Variants in MINDY4 observed in about 807,000 individuals in gnomAD.
MINDY4 encodes the protein MINDY lysine 48 deubiquitinase 4, also known as probable ubiquitin carboxyl-terminal hydrolase MINDY-4.
Under a neutral mutation model 87.0 loss-of-function variants are expected in MINDY4, and 68 were observed. That is an observed-to-expected ratio of 0.78 (90% CI 0.64 to 0.96). The LOEUF is 0.96. Ranked by LOEUF, MINDY4 falls within the 40% of genes least tolerant of loss-of-function variation. The probability of loss-of-function intolerance (pLI) is 0.00; values close to 1 mark genes in which losing one functional copy is unlikely to be tolerated. For missense variants in MINDY4, 919 were observed against 928.2 expected, an observed-to-expected ratio of 0.99 and a Z score of 0.13; for synonymous variants, 379 against 363.2, an observed-to-expected ratio of 1.04 and a Z score of -0.50.
chr7:30,816,418 T>C (rs1273406718), intron 5 of MINDY4, among the ~76,000 whole-genome samples: 1 of 152,132 alleles, frequency 6.6e-6, no homozygotes, highest in Non-Finnish European at 1.5e-5. Context: ...TCTGCATACT[T>C]CTTGTGAAGG....
intron 13 of MINDY4, among the ~76,000 whole-genome samples, chr7:30,861,579 T>A (rs947929253): frequency 6.6e-6 from 1 of 152,242 alleles, no homozygotes; most frequent in African/African-American, 2.4e-5. Context: ...TTGGTTGGTT[T>A]TAGGCCTGAC....
intron 1 of MINDY4, among the ~76,000 whole-genome samples, chr7:30,775,355 TTACA>T (rs1310995655): frequency 1.1e-4 from 17 of 152,276 alleles, no homozygotes; most frequent in African/African-American, 4.1e-4. Context: ...AACACTTTAC[TTACA>T]TTTACCAGTT....
chr7:30,791,074 C>T (rs769031884), intron 4 of MINDY4, 91 bp from the exon 5 acceptor site: 8 of 1,212,818 alleles, frequency 6.6e-6, no homozygotes, highest in African/African-American at 1.5e-5. Context: ...CTGGGAGAGA[C>T]ATCACATCAT....
rs376096463 is a variant in MINDY4 at position 30,836,974 on chromosome 7, A to G, written c.1239+210A>G. Among the ~76,000 whole-genome samples, 74 of 152,260 alleles carry G rather than the reference A, an allele frequency of 4.9e-4. No individual in the cohort carries two copies. In the South Asian group the frequency reaches 0.015, roughly 31 times the overall value. On this transcript the variant is annotated intron_variant, in intron 7 of 17. Transcript: ENST00000265299. ...GCAGCTCTCGTTCCCTCTCCAAGAC[A>G]AAAGGTGAGGGAGGAGGTTATGTCC...
intron 13 of MINDY4, among the ~76,000 whole-genome samples, chr7:30,869,035 A>T (rs1790024301): frequency 6.6e-6 from 1 of 152,128 alleles, no homozygotes; most frequent in Non-Finnish European, 1.5e-5. Flanking sequence ...TGCTCCCTGG[A>T]GGGGCCCCCA....
chr7:30,815,457 C>T (rs1044335638), intron 5 of MINDY4, among the ~76,000 whole-genome samples: 2 of 152,194 alleles, frequency 1.3e-5, no homozygotes, highest in South Asian at 4.1e-4. Flanking sequence ...CTAGCACTGG[C>T]CCTGGTCACT....
intron 1 of MINDY4, among the ~76,000 whole-genome samples, chr7:30,775,778 A>G (rs1014370685): frequency 5.9e-5 from 9 of 152,196 alleles, no homozygotes; most frequent in African/African-American, 2.2e-4. Flanking sequence ...TTTAGAATCT[A>G]TGTGCCAGGA....
intron 6 of MINDY4, among the ~76,000 whole-genome samples, chr7:30,834,634 G>C (rs915786383): frequency 1.3e-5 from 2 of 152,114 alleles, no homozygotes; most frequent in Non-Finnish European, 2.9e-5. Context: ...CAGAAAATGG[G>C]GTTTTCTTTT....
chr7:30,882,598 C>T (rs1790502449), intron 16 of MINDY4, among the ~76,000 whole-genome samples: 1 of 152,218 alleles, frequency 6.6e-6, no homozygotes, highest in South Asian at 2.1e-4. Context: ...GCCTACACCA[C>T]ATGGTAAAGA....
intron 6 of MINDY4, among the ~76,000 whole-genome samples, chr7:30,835,061 C>A (rs1788816869): frequency 6.6e-6 from 1 of 152,244 alleles, no homozygotes; most frequent in African/African-American, 2.4e-5. Flanking sequence ...AAAGTCACTT[C>A]CACATTTTCG....
In MINDY4 at chr7:30,781,998, A is replaced by T; in HGVS notation, c.205A>T (p.Thr69Ser). The change falls in exon 3 of 18, where the codon ACA becomes TCA. Residue 69 changes from threonine (T) to serine (S), a missense_variant. Thr to Ser is a moderately conservative substitution (Grantham distance 58, BLOSUM62 1). Transcript: ENST00000265299. ...ENKAKENPLK[T>S]SLELITRYFL... ...ATAGGCAAAGGAAAATCCTCTAAAA[A>T]CAAGCCTTGAACTCATCACCAGATA... The T allele has an allele frequency of 6.2e-7, 1 of 1,613,444 alleles. No homozygotes were observed. Among genetic ancestry groups the T allele is most frequent in the Admixed American group, 1.7e-5 (1 of 59,924 alleles).
At chr7:30,874,367 G>A (rs1238774159) in intron 14 of MINDY4, among the ~76,000 whole-genome samples, 1 of 152,224 alleles carries the variant, frequency 6.6e-6, no homozygotes, top group Non-Finnish European at 1.5e-5. Flanking sequence ...ACCAGATGTG[G>A]GTGGAAGCTC....
At chr7:30,822,715 G>A (rs551063257) in intron 5 of MINDY4, among the ~76,000 whole-genome samples, 1 of 151,838 alleles carries the variant, frequency 6.6e-6, no homozygotes, top group South Asian at 2.1e-4. Context: ...GCTCACTGCA[G>A]TCTTGACTTC....
At chr7:30,817,216 C>T (rs182704908) in intron 5 of MINDY4, among the ~76,000 whole-genome samples, 197 of 152,170 alleles carry the variant, frequency 1.3e-3, no homozygotes, top group African/African-American at 4.0e-3. Context: ...TGCCAGGTGA[C>T]GTCTAAGTGC....
intron 5 of MINDY4, among the ~76,000 whole-genome samples, chr7:30,800,246 A>AT (rs2128170676): frequency 6.6e-6 from 1 of 152,290 alleles, no homozygotes; most frequent in South Asian, 2.1e-4. Flanking sequence ...CTGTCCCTGG[A>AT]TATCACCTTA....
chr7:30,778,342 G>T (rs1584226260), intron 1 of MINDY4, 90 bp from the exon 2 acceptor site: 4 of 1,519,162 alleles, frequency 2.6e-6, no homozygotes, highest in Middle Eastern at 1.7e-4. Context: ...AATTATCTTG[G>T]TGAACATCAG....
Position 30,828,552 on chromosome 7 carries a change from C to T in MINDY4, c.1074-127C>T, listed in dbSNP as rs1259238305. On this transcript the variant is annotated intron_variant, in intron 5 of 17. Coordinates refer to ENST00000265299, the MANE Select transcript of MINDY4 (RefSeq NM_032222.3). ...AGAGAGGGGGAGTATTCAAGGCACA[C>T]AGAGGCAAGGCCAAGACTAGAGAGA... The T allele has an allele frequency of 7.5e-6, 7 of 937,910 alleles. No homozygotes were observed. The Admixed American group carries it at 1.3e-4, about 17-fold the overall frequency. The allele number at this position is 937,910 out of a possible 1,614,324, so 58.1% of individuals were successfully genotyped here. A position where few individuals can be genotyped will look rare whatever the true frequency, so the allele number is the denominator to read the frequency against.
At chr7:30,874,215 C>A (rs569837466) in intron 14 of MINDY4, among the ~76,000 whole-genome samples, 47 of 152,354 alleles carry the variant, frequency 3.1e-4, no homozygotes, top group African/African-American at 1.1e-3. Context: ...CCTGCCTGCC[C>A]TAGTGCTGGG....
At chr7:30,849,583 C>T (rs1354745481) in intron 9 of MINDY4, among the ~76,000 whole-genome samples, 1 of 152,218 alleles carries the variant, frequency 6.6e-6, no homozygotes, top group South Asian at 2.1e-4. Flanking sequence ...GATCCTACGA[C>T]TGTGTCGTGG....
Sources: gnomAD v4.1 joint callset for allele counts (sites outside exome capture counted in the v4.1 genomes callset) on GRCh38, gnomAD v4.1.1 for gene constraint, MANE v1.5 for transcripts, NCBI Gene and HGNC (gene_info 2026-07-23, HGNC 2026-07-21) for gene names.